KCNAB1: variants seen among roughly 807,000 people sequenced by gnomAD.
KCNAB1 encodes the protein potassium voltage-gated channel subfamily A regulatory beta subunit 1.
Under a neutral mutation model 64.6 loss-of-function variants are expected in KCNAB1, and 35 were observed. The ratio of observed to expected loss-of-function variants is 0.54; its 90% CI spans 0.41 to 0.72. The LOEUF (loss-of-function observed/expected upper bound fraction) is 0.72. Among genes scored for constraint, KCNAB1 ranks in the 30% least tolerant of loss-of-function variants. The probability of loss-of-function intolerance (pLI) is 0.00; values close to 1 mark genes in which losing one functional copy is unlikely to be tolerated. For missense variants in KCNAB1, 401 were observed against 512.9 expected, an observed-to-expected ratio of 0.78 and a Z score of 2.11; for synonymous variants, 177 against 183.8, an observed-to-expected ratio of 0.96 and a Z score of 0.30.
intron 1 of KCNAB1, among the ~76,000 whole-genome samples, chr3:156,417,510 C>T (rs2108219582): frequency 6.6e-6 from 1 of 152,284 alleles, no homozygotes; most frequent in East Asian, 1.9e-4. Flanking sequence ...TTTTTGCAAG[C>T]TACTTTTCTC....
chr3:156,365,062 A>G (rs16826030), intron 1 of KCNAB1, among the ~76,000 whole-genome samples: 5,613 of 152,278 alleles, frequency 0.037, 160 homozygotes, highest in African/African-American at 0.084. Flanking sequence ...ACTTAGATCC[A>G]AGCTGGGGAA....
intron 2 of KCNAB1, among the ~76,000 whole-genome samples, chr3:156,433,462 G>C (rs1368560018): frequency 2.0e-5 from 3 of 152,188 alleles, no homozygotes; most frequent in Admixed American, 6.5e-5. Flanking sequence ...CCTAAGCTAG[G>C]GTTAAGGGAG....
At chr3:156,241,957 T>C (rs575365750) in intron 1 of KCNAB1, among the ~76,000 whole-genome samples, 151 of 152,352 alleles carry the variant, frequency 9.9e-4, no homozygotes, top group African/African-American at 3.5e-3. Context: ...TGAAAATCTT[T>C]CTTTTCTATC....
At chr3:156,514,976 G>T in intron 9 of KCNAB1, 124 bp from the exon 10 acceptor site, 13 of 894,122 alleles carry the variant, frequency 1.5e-5, no homozygotes, top group South Asian at 1.0e-4. Context: ...TTATTATTTG[G>T]CATCCTACAT....
At chr3:156,180,335 A>G (rs1473927614) in intron 1 of KCNAB1, among the ~76,000 whole-genome samples, 2 of 152,218 alleles carry the variant, frequency 1.3e-5, no homozygotes, top group South Asian at 2.1e-4. Flanking sequence ...TCATAAACCA[A>G]TGTTTGTTTA....
At chr3:156,182,847 C>T (rs1053687556) in intron 1 of KCNAB1, among the ~76,000 whole-genome samples, 8 of 151,410 alleles carry the variant, frequency 5.3e-5, no homozygotes, top group African/African-American at 1.7e-4. Flanking sequence ...TACAGGCGCC[C>T]GCCACTATGC....
rs571107751 is a variant in KCNAB1 at position 156,425,090 on chromosome 3, A to G, written c.319+3431A>G. ...CCTTAGATAATTTGTCAGGCTCTGC[A>G]GACCCCAGCTGTCAAATCCAAATGG... is the stretch of plus-strand genomic sequence containing the variant. On this transcript the variant is annotated intron_variant, in intron 2 of 13. Coordinates refer to ENST00000490337, the MANE Select transcript of KCNAB1 (RefSeq NM_172160.3). Among the ~76,000 whole-genome samples the G allele has an allele frequency of 2.0e-5, 3 of 152,354 alleles. No individual in the cohort carries two copies. The East Asian group carries it at 5.8e-4, about 29-fold the overall frequency.
At chr3:156,161,137 G>T (rs939133382) in intron 1 of KCNAB1, among the ~76,000 whole-genome samples, 2 of 152,132 alleles carry the variant, frequency 1.3e-5, no homozygotes, top group Non-Finnish European at 1.5e-5. Context: ...TATTAACTGA[G>T]AGTAACCTCA....
At chr3:156,122,994 AG>A (rs1431384097) in intron 1 of KCNAB1, among the ~76,000 whole-genome samples, 2 of 152,162 alleles carry the variant, frequency 1.3e-5, no homozygotes, top group Non-Finnish European at 2.9e-5. Context: ...ATTTAATGTT[AG>A]CGATAGAATG....
At chr3:156,298,896 G>A (rs1720970811) in intron 1 of KCNAB1, among the ~76,000 whole-genome samples, 1 of 152,218 alleles carries the variant, frequency 6.6e-6, no homozygotes, top group South Asian at 2.1e-4. Flanking sequence ...TAGAAATAGA[G>A]TGATTGAGTC....
chr3:156,291,329 G>A (rs938763864), intron 1 of KCNAB1: 3 of 989,136 alleles, frequency 3.0e-6, no homozygotes, highest in Non-Finnish European at 3.6e-6. Context: ...GCTGACAGCC[G>A]GAGTGGATGG....
chr3:156,337,195 T>TGA (rs1662172797), intron 1 of KCNAB1, among the ~76,000 whole-genome samples: 1 of 152,168 alleles, frequency 6.6e-6, no homozygotes, highest in African/African-American at 2.4e-5. Context: ...TATATGCAAG[T>TGA]GAGATAAGTT....
At chr3:156,228,412 C>G (rs1323776622) in intron 1 of KCNAB1, among the ~76,000 whole-genome samples, 1 of 152,162 alleles carries the variant, frequency 6.6e-6, no homozygotes. Context: ...GATCCCAGCC[C>G]CTGTGTTGTT....
chr3:156,205,594 G>A (rs911178179), intron 1 of KCNAB1, among the ~76,000 whole-genome samples: 2 of 152,034 alleles, frequency 1.3e-5, no homozygotes, highest in African/African-American at 2.4e-5. Flanking sequence ...TGTCAGGTCC[G>A]ATCGATCATC....
In KCNAB1 at chr3:156,452,805, C is replaced by A; in HGVS notation, c.320-94C>A. The A allele has an allele frequency of 2.3e-6, 2 of 884,304 alleles. No homozygotes were observed. Among genetic ancestry groups the A allele is most frequent in the Non-Finnish European group, 3.6e-6 (2 of 552,796 alleles). The allele number at this position is 884,304 out of a possible 1,614,324, so 54.8% of individuals were successfully genotyped here. A position where few individuals can be genotyped will look rare whatever the true frequency, so the allele number is the denominator to read the frequency against. ...TACCTTTGTGAACTACCCATACAAC[C>A]TATTGAGGTAGTCCCAAAGTAAGAA... On this transcript the variant is annotated intron_variant, in intron 2 of 13. Transcript: ENST00000490337. The surrounding 1 kb of genome is among the most constrained non-coding windows in gnomAD (Gnocchi z 4.6).
chr3:156,288,877 T>C (rs1011447157), intron 1 of KCNAB1, among the ~76,000 whole-genome samples: 3 of 152,230 alleles, frequency 2.0e-5, no homozygotes, highest in Admixed American at 6.5e-5. Context: ...TTTCTTTTTT[T>C]AAGGAATCAA....
At chr3:156,424,917 A>G (rs1014200846) in intron 2 of KCNAB1, among the ~76,000 whole-genome samples, 1 of 152,190 alleles carries the variant, frequency 6.6e-6, no homozygotes, top group African/African-American at 2.4e-5. Flanking sequence ...AAATAAGAGG[A>G]AACAAGGAAG....
chr3:156,438,786 T>A (rs4680268), intron 2 of KCNAB1, among the ~76,000 whole-genome samples: 3 of 151,784 alleles, frequency 2.0e-5, no homozygotes, highest in Non-Finnish European at 2.9e-5. Flanking sequence ...GAGGACGAGG[T>A]GGGCCGATCA....
intron 1 of KCNAB1, among the ~76,000 whole-genome samples, chr3:156,272,263 C>T (rs1056475390): frequency 6.6e-6 from 1 of 152,232 alleles, no homozygotes; most frequent in Non-Finnish European, 1.5e-5. Flanking sequence ...GTGGCAAAGC[C>T]AGGCAGTTTT....
Sources: allele counts gnomAD v4.1 joint callset (sites outside exome capture counted in the v4.1 genomes callset), GRCh38; gene constraint gnomAD v4.1.1; non-coding constraint Gnocchi (gnomAD v3.1); transcripts MANE v1.5; gene names NCBI Gene and HGNC (gene_info 2026-07-23, HGNC 2026-07-21).